ACMSD: variants seen among roughly 807,000 people sequenced by gnomAD.
The protein encoded by ACMSD is 2-amino-3-carboxymuconate-6-semialdehyde decarboxylase.
In ACMSD, 37 loss-of-function variants were observed where a neutral mutation model predicts 45.9. The ratio of observed to expected loss-of-function variants is 0.81; its 90% CI spans 0.62 to 1.06. The LOEUF (loss-of-function observed/expected upper bound fraction) is 1.06. Among genes scored for constraint, ACMSD ranks in the 50% least tolerant of loss-of-function variants. The pLI, the probability that ACMSD is intolerant of heterozygous loss-of-function variation, is 0.00. For missense variants in ACMSD, 434 were observed against 420.9 expected (o/e 1.03, Z -0.27); for synonymous variants, 138 against 148.8 (o/e 0.93, Z 0.53).
chr2:134,869,171 C>G lies in ACMSD; in HGVS notation c.580+1499C>G, dbSNP rs538200357. 6 of 152,074 alleles carry G rather than the reference C, an allele frequency of 3.9e-5. No individual in the cohort carries two copies. In the East Asian group the frequency reaches 1.2e-3, roughly 29 times the overall value. 9.4% of individuals were successfully genotyped at this position (152,074 alleles called of 1,614,324 possible). ...TCAAGCTTCAAAGAAAAATGTCACC[C>G]TTATTCACAAAACTCTGATAAGTCC... On this transcript the variant is annotated intron_variant, in intron 6 of 9. Transcript: ENST00000356140.
intron 9 of ACMSD, among the ~76,000 whole-genome samples, chr2:134,900,352 A>T (rs1690426400): frequency 1.3e-5 from 2 of 151,250 alleles, no homozygotes; most frequent in Admixed American, 1.3e-4. Flanking sequence ...TGCTGTATCC[A>T]CTCCCTCCCC....
At position 134,864,608 on chromosome 2, in the gene ACMSD, A is replaced by G. The variant is rs192904023; in HGVS notation, c.486+977A>G. On this transcript the variant is annotated intron_variant, in intron 5 of 9. Coordinates refer to ENST00000356140, the MANE Select transcript of ACMSD (RefSeq NM_138326.3). Reference sequence around the variant, plus strand: ...TGGCTATGCTTTGATTTATTTAACCAATCTGTAATTAAGATATTTTTAAGT... The same window carrying G: ...TGGCTATGCTTTGATTTATTTAACCGATCTGTAATTAAGATATTTTTAAGT... Among the ~76,000 whole-genome samples the G allele has an allele frequency of 2.3e-3, 298 of 130,216 alleles. 3 individuals carry two copies. Among genetic ancestry groups the G allele is most frequent in the African/African-American group, 8.8e-3 (290 of 33,008 alleles). 85.4% of individuals were successfully genotyped at this position (130,216 alleles called of 152,430 possible).
At position 134,870,887 on chromosome 2, in the gene ACMSD, T is replaced by C. The variant is rs1573665914; in HGVS notation, c.581-78T>C. On this transcript the variant is annotated intron_variant, in intron 6 of 9. Transcript: ENST00000356140. ...GCCTCAAGTTTCTTTGCACTGACAA[T>C]TCCCCAGCCACTAACATCACTGAAT... is the stretch of plus-strand genomic sequence containing the variant. 2.6e-5 allele frequency: 33 copies of C among 1,273,386 alleles called. No individual in the cohort carries two copies. The East Asian group carries it at 7.5e-4, about 29-fold the overall frequency. 78.9% of individuals were successfully genotyped at this position (1,273,386 alleles called of 1,614,324 possible). A position where few individuals can be genotyped will look rare whatever the true frequency, so the allele number is the denominator to read the frequency against.
At chr2:134,840,185 A>AAAAAAAAAAAAAAAAAAAAAAAAAAAAG (rs1686730587) in intron 1 of ACMSD, among the ~76,000 whole-genome samples, 1 of 141,470 alleles carries the variant, frequency 7.1e-6, no homozygotes, top group South Asian at 2.4e-4. Flanking sequence ...AAAAAAAAAA[A>AAAAAAAAAAAAAAAAAAAAAAAAAAAAG]AAAAAAAACC....
intron 2 of ACMSD, among the ~76,000 whole-genome samples, chr2:134,852,021 G>A (rs529355285): frequency 2.0e-5 from 3 of 152,276 alleles, no homozygotes; most frequent in South Asian, 2.1e-4. Flanking sequence ...TGTGTTATAC[G>A]TATGGTGTTT....
Position 134,895,520 on chromosome 2 carries a change from C to CT in ACMSD, c.850-2811dup, listed in dbSNP as rs1004670281. ...CAATTGCTATCAAAATTCCAGATGT[C>CT]TTTTTTTTTTGGCAAAAATTGATAA... On this transcript the variant is annotated intron_variant, in intron 8 of 9. Coordinates refer to ENST00000356140, the MANE Select transcript of ACMSD (RefSeq NM_138326.3). Among the ~76,000 whole-genome samples the CT allele has an allele frequency of 3.6e-3, 527 of 146,138 alleles. 2 individuals carry two copies. The highest frequency in any genetic ancestry group is 9.9e-3 in the African/African-American group (396 of 40,038).
chr2:134,879,489 G>A (rs976884689), intron 8 of ACMSD, among the ~76,000 whole-genome samples: 1 of 152,002 alleles, frequency 6.6e-6, no homozygotes, highest in Non-Finnish European at 1.5e-5. Context: ...CTCTGTATTC[G>A]TTACATGCTG....
At chr2:134,846,155 C>G (rs1007621192) in intron 2 of ACMSD, among the ~76,000 whole-genome samples, 1 of 152,132 alleles carries the variant, frequency 6.6e-6, no homozygotes, top group Non-Finnish European at 1.5e-5. Context: ...AAACCATGTT[C>G]TAGGAAAAGA....
chr2:134,868,992 A>G (rs1559053215), intron 6 of ACMSD: 1 of 152,026 alleles, frequency 6.6e-6, no homozygotes, highest in Non-Finnish European at 1.5e-5. Flanking sequence ...GCTGGTCCAG[A>G]TTTCTCCAAA....
At chr2:134,845,509 GTCTC>G (rs59782657) in intron 2 of ACMSD, among the ~76,000 whole-genome samples, 10,918 of 94,196 alleles carry the variant, frequency 0.12, 644 homozygotes, top group East Asian at 0.32. Context: ...ACATTAAAAG[GTCTC>G]TCTCTCTCTC....
rs1687865152 is a variant in ACMSD, at chr2:134,861,862, CAGG to C, written c.200-101_200-99del. On this transcript the variant is annotated intron_variant, in intron 3 of 9. Coordinates refer to ENST00000356140, the MANE Select transcript of ACMSD (RefSeq NM_138326.3). Reference sequence around the variant, plus strand: ...CTGAGAGGGACGCAGGGAGGGAGAGCAGGAGGAGTTTAGGGTGGAGGCTTGCTG... The same window carrying C: ...CTGAGAGGGACGCAGGGAGGGAGAGCAGGAGTTTAGGGTGGAGGCTTGCTG... The C allele has an allele frequency of 1.4e-5, 16 of 1,156,874 alleles. No individual in the cohort carries two copies. The East Asian group carries it at 1.6e-4, about 12-fold the overall frequency. 71.7% of individuals were successfully genotyped at this position (1,156,874 alleles called of 1,614,324 possible). A position where few individuals can be genotyped will look rare whatever the true frequency, so the allele number is the denominator to read the frequency against.
At position 134,901,846 on chromosome 2, in the gene ACMSD, AAAC is replaced by A. The variant is rs1345471250; in HGVS notation, c.1000_1002del (p.Gln334del). 80 of 1,600,402 alleles carry A rather than the reference AAAC, an allele frequency of 5.0e-5. No individual in the cohort carries two copies. The highest frequency in any genetic ancestry group is 6.7e-5 in the Non-Finnish European group (79 of 1,171,414). On this transcript the variant is annotated inframe_deletion, in exon 10 of 10. Coordinates refer to ENST00000356140, the MANE Select transcript of ACMSD (RefSeq NM_138326.3). ...CCTGGCATTTTTGGGTCTTGAGAGA[AAAC>A]AATTTGAATGACTGAATTTACTACA...
rs1559034706 is a variant in ACMSD, at chr2:134,840,166, G to GAAAAAAA, written c.57+1427_57+1428insAAAAAAA. Among the ~76,000 whole-genome samples the GAAAAAAA allele has an allele frequency of 4.4e-3, 53 of 12,060 alleles. 4 individuals are homozygous for GAAAAAAA. The highest frequency in any genetic ancestry group is 0.019 in the African/African-American group (52 of 2,718). The allele number at this position is 12,060 out of a possible 152,430, so 7.9% of individuals were successfully genotyped here. The stretch of plus-strand genomic sequence containing the variant: ...TTAAAATAGCCATAAACTATACCTA[G>GAAAAAAA]CAAAAAAAAAAAAAAAAAAAAAAAA... On this transcript the variant is annotated intron_variant, in intron 1 of 9. Coordinates refer to ENST00000356140, the MANE Select transcript of ACMSD (RefSeq NM_138326.3).
At chr2:134,847,898 C>CTGGAGTGCAA (rs1290523482) in intron 2 of ACMSD, among the ~76,000 whole-genome samples, 8 of 150,170 alleles carry the variant, frequency 5.3e-5, no homozygotes, top group Non-Finnish European at 2.9e-5. Context: ...GTCACACAGG[C>CTGGAGTGCAA]TGGAGTGCAA....
At chr2:134,901,659 G>T (rs1690508299) in intron 9 of ACMSD, 139 bp from the exon 10 acceptor site, 1 of 476,806 alleles carries the variant, frequency 2.1e-6, no homozygotes, top group Admixed American at 4.1e-5. Context: ...GAGGATTTTG[G>T]TAAGAGATTC....
Position 134,874,197 on chromosome 2 carries a change from C to A in ACMSD, c.849+1556C>A, listed in dbSNP as rs1688615243. On this transcript the variant is annotated intron_variant, in intron 8 of 9. Transcript: ENST00000356140. ...CGTGTGAATATATTCCTATTAGGGA[C>A]CTCCAGAAAAACTCAGCAGGTACTT... 1.3e-5 allele frequency among the ~76,000 whole-genome samples: 2 copies of A among 152,118 alleles called. 1 individual carries two copies. The highest frequency in any genetic ancestry group is 4.1e-4 in the South Asian group (2 of 4,822).
chr2:134,847,874 G>C (rs1396023741), intron 2 of ACMSD, among the ~76,000 whole-genome samples: 1 of 148,024 alleles, frequency 6.8e-6, no homozygotes, highest in Non-Finnish European at 1.5e-5. Context: ...TTTTTGAGAT[G>C]GAGTTTCGCT....
At chr2:134,876,562 T>C (rs1433475482) in intron 8 of ACMSD, among the ~76,000 whole-genome samples, 2 of 152,138 alleles carry the variant, frequency 1.3e-5, no homozygotes, top group Non-Finnish European at 2.9e-5. Context: ...GTCTTCGGGG[T>C]CAATAACACA....
At chr2:134,885,186 A>C (rs1184837834) in intron 8 of ACMSD, among the ~76,000 whole-genome samples, 1 of 140,418 alleles carries the variant, frequency 7.1e-6, no homozygotes, top group Non-Finnish European at 1.5e-5. Flanking sequence ...ATGGAGTGAG[A>C]CTTTGTCTCA....
Sources: gnomAD v4.1 joint callset for allele counts (sites outside exome capture counted in the v4.1 genomes callset) on GRCh38, gnomAD v4.1.1 for gene constraint, MANE v1.5 for transcripts, NCBI Gene and HGNC (gene_info 2026-07-23, HGNC 2026-07-21) for gene names.